The following ERC1 variants were observed in gnomAD, a reference collection of about 807,000 sequenced individuals.
The protein encoded by ERC1 is RAB6 interacting protein 2.
A neutral mutation model predicts 132.0 loss-of-function variants in ERC1; 56 were observed. The ratio of observed to expected loss-of-function variants is 0.42; its 90% CI spans 0.34 to 0.53. The LOEUF (loss-of-function observed/expected upper bound fraction) is 0.53. Ranked by LOEUF, ERC1 falls within the 20% of genes least tolerant of loss-of-function variation. The pLI is 0.03. For missense variants in ERC1, 1,202 were observed against 1,349.9 expected (o/e 0.89, Z 1.72); for synonymous variants, 478 against 476.1 (o/e 1.00, Z -0.05).
intron 1 of ERC1, among the ~76,000 whole-genome samples, chr12:1,007,404 C>G (rs1327412211): frequency 6.6e-6 from 1 of 151,848 alleles, no homozygotes; most frequent in Non-Finnish European, 1.5e-5. Context: ...AAAGTAGTGA[C>G]AGTGGGGATA....
At chr12:1,129,836 GA>G (rs60585974) in intron 7 of ERC1, among the ~76,000 whole-genome samples, 13 of 150,044 alleles carry the variant, frequency 8.7e-5, no homozygotes, top group African/African-American at 2.9e-4. Flanking sequence ...TGAGATGCAA[GA>G]AAAAAAAACA....
chr12:1,384,170 T>C (rs2089044258), intron 16 of ERC1, among the ~76,000 whole-genome samples: 1 of 152,220 alleles, frequency 6.6e-6, no homozygotes, highest in Admixed American at 6.5e-5. Flanking sequence ...CCCTTATAAA[T>C]TACAGTGAAA....
chr12:1,337,487 TTATCTA>T (rs1314536024), intron 15 of ERC1, among the ~76,000 whole-genome samples: 3 of 152,158 alleles, frequency 2.0e-5, no homozygotes, highest in Non-Finnish European at 4.4e-5. Context: ...TCTTGGTTCT[TTATCTA>T]GCTTGTTGCT....
intron 17 of ERC1, among the ~76,000 whole-genome samples, chr12:1,429,143 T>C (rs1298398481): frequency 6.6e-6 from 1 of 152,206 alleles, no homozygotes; most frequent in East Asian, 1.9e-4. Context: ...ATAGCACTGT[T>C]TCTTCCTGTA....
intron 13 of ERC1, among the ~76,000 whole-genome samples, chr12:1,237,263 G>A (rs144789447): frequency 6.6e-6 from 1 of 152,022 alleles, no homozygotes; most frequent in Non-Finnish European, 1.5e-5. Flanking sequence ...ATCTTGGTTT[G>A]TGTCTTTCTT....
At position 1,363,228 on chromosome 12, in the gene ERC1, C is replaced by T. The variant is rs528821520; in HGVS notation, c.2781-8605C>T. The stretch of plus-strand genomic sequence containing the variant: ...TTTTGACAAGTAGAGATACAGATGT[C>T]GAGTTTTTTGCCCATCTGAGAAGCA... On this transcript the variant is annotated intron_variant, in intron 15 of 18. Transcript: ENST00000360905. Among the ~76,000 whole-genome samples the T allele has an allele frequency of 5.5e-4, 83 of 152,110 alleles. 1 individual carries two copies. Among genetic ancestry groups the T allele is most frequent in the Non-Finnish European group, 1.0e-3 (71 of 68,024 alleles).
intron 13 of ERC1, among the ~76,000 whole-genome samples, chr12:1,244,006 C>T (rs1170208135): frequency 4.6e-5 from 7 of 152,266 alleles, no homozygotes; most frequent in African/African-American, 1.7e-4. Context: ...CCAGTAATAT[C>T]GCCTAGGTAC....
At chr12:1,378,860 T>C (rs755710673) in intron 16 of ERC1, among the ~76,000 whole-genome samples, 11 of 152,220 alleles carry the variant, frequency 7.2e-5, no homozygotes, top group Non-Finnish European at 1.6e-4. Context: ...TCAGATGACA[T>C]CCTGAAATAA....
intron 8 of ERC1, among the ~76,000 whole-genome samples, chr12:1,150,323 G>A (rs907085183): frequency 6.6e-6 from 1 of 152,168 alleles, no homozygotes; most frequent in Non-Finnish European, 1.5e-5. Flanking sequence ...AGCCATGGCA[G>A]TAAAAATAGA....
At chr12:1,147,492 A>G (rs531935906) in intron 8 of ERC1, among the ~76,000 whole-genome samples, 2 of 152,170 alleles carry the variant, frequency 1.3e-5, no homozygotes, top group South Asian at 4.1e-4. Context: ...ATCATTGTAT[A>G]TTTTTCTCCC....
At chr12:1,037,115 G>A (rs904232849) in intron 2 of ERC1, among the ~76,000 whole-genome samples, 5 of 152,174 alleles carry the variant, frequency 3.3e-5, no homozygotes, top group African/African-American at 1.2e-4. Flanking sequence ...AGTGAAGTAT[G>A]AAAAATAATT....
At chr12:1,455,011 A>C (rs939315280) in intron 18 of ERC1, among the ~76,000 whole-genome samples, 6 of 152,212 alleles carry the variant, frequency 3.9e-5, no homozygotes, top group Non-Finnish European at 8.8e-5. Flanking sequence ...GATTGAGGTA[A>C]TGTCAAGGTG....
chr12:1,300,445 A>G (rs1378157067), intron 15 of ERC1, among the ~76,000 whole-genome samples: 14 of 152,184 alleles, frequency 9.2e-5, no homozygotes, highest in Non-Finnish European at 1.5e-4. Flanking sequence ...AACAAAAACA[A>G]ACAATGACAA....
chr12:1,180,630 AACACTG>A lies in ERC1; in HGVS notation c.1835_1840del (p.Asp612_Thr613del). ...CAAATCCTTGCAGGCTGACACCACC[AACACTG>A]ACACTGCCTTGACAACTTTGGAGGA... is the stretch of plus-strand genomic sequence containing the variant. On this transcript the variant is annotated inframe_deletion, in exon 9 of 19. Coordinates refer to ENST00000360905, the MANE Select transcript of ERC1 (RefSeq NM_178040.4). 1 of 1,614,052 alleles carries A rather than the reference AACACTG, an allele frequency of 6.2e-7. No homozygotes were observed. Among genetic ancestry groups the A allele is most frequent in the Non-Finnish European group, 8.5e-7 (1 of 1,180,032 alleles).
chr12:1,426,970 A>G (rs1026075793), intron 17 of ERC1, among the ~76,000 whole-genome samples: 1 of 152,044 alleles, frequency 6.6e-6, no homozygotes, highest in African/African-American at 2.4e-5. Context: ...ACTAGAACAT[A>G]TATGTCTGGA....
intron 16 of ERC1, among the ~76,000 whole-genome samples, chr12:1,405,548 C>CA (rs34876598): frequency 1.3e-5 from 2 of 151,582 alleles, no homozygotes; most frequent in Admixed American, 6.6e-5. Flanking sequence ...GTTAAAAATA[C>CA]AAAAAATAGC....
intron 15 of ERC1, among the ~76,000 whole-genome samples, chr12:1,369,898 T>C (rs2087024465): frequency 6.6e-6 from 1 of 152,204 alleles, no homozygotes; most frequent in African/African-American, 2.4e-5. Flanking sequence ...TTCTATTTGT[T>C]AGTATTGCTT....
intron 2 of ERC1, among the ~76,000 whole-genome samples, chr12:1,030,777 G>T (rs1468629360): frequency 1.3e-5 from 2 of 152,088 alleles, no homozygotes; most frequent in East Asian, 1.9e-4. Flanking sequence ...TCTTTTCTAT[G>T]CTTAGATGTG....
At chr12:1,301,586 G>C (rs1265765143) in intron 15 of ERC1, among the ~76,000 whole-genome samples, 1 of 152,108 alleles carries the variant, frequency 6.6e-6, no homozygotes, top group Admixed American at 6.6e-5. Flanking sequence ...AATACCACAT[G>C]TTCTTACAAG....
Sources: gnomAD v4.1 joint callset for allele counts (sites outside exome capture counted in the v4.1 genomes callset) on GRCh38, gnomAD v4.1.1 for gene constraint, MANE v1.5 for transcripts, NCBI Gene and HGNC (gene_info 2026-07-23, HGNC 2026-07-21) for gene names.